The following HMGA2 variants were observed in gnomAD, a reference collection of about 807,000 sequenced individuals.
HMGA2 encodes the protein high mobility group protein HMGI-C.
Under a neutral mutation model 19.1 loss-of-function variants are expected in HMGA2, and 8 were observed. The ratio of observed to expected loss-of-function variants is 0.42; its 90% CI spans 0.25 to 0.76. The LOEUF (loss-of-function observed/expected upper bound fraction) is 0.76, where lower values mean the gene tolerates loss of function less well. HMGA2 is among the 30% of genes least tolerant of loss of function. HMGA2 has a pLI of 0.28. For synonymous variants in HMGA2, 60 were observed against 48.8 expected (o/e 1.23, Z -0.96); for missense variants, 109 against 136.3 (o/e 0.80, Z 1.00).
chr12:65,957,380 C>T (rs1037513400), intron 4 of HMGA2: 2 of 152,050 alleles, frequency 1.3e-5, no homozygotes. Flanking sequence ...TGGCTCATGC[C>T]TGTTATCCCA....
At position 65,963,471 on chromosome 12, in the gene HMGA2, C is replaced by G. The variant is rs1001912620; in HGVS notation, c.*179C>G. 2 of 611,398 alleles carry G rather than the reference C, an allele frequency of 3.3e-6. No homozygotes were observed. The highest frequency in any genetic ancestry group is 5.8e-6 in the Non-Finnish European group (2 of 345,546). The allele number at this position is 611,398 out of a possible 1,614,324, so 37.9% of individuals were successfully genotyped here. On this transcript the variant is annotated 3_prime_UTR_variant, in exon 5 of 5. Transcript: ENST00000403681. ...AGAAATCACATAACCTTAAAAAGGA[C>G]TATATTAATCACCTTCTTTGTAATC...
chr12:65,885,570 C>T (rs529447318), intron 3 of HMGA2, among the ~76,000 whole-genome samples: 1 of 152,210 alleles, frequency 6.6e-6, no homozygotes, highest in South Asian at 2.1e-4. Flanking sequence ...CACTAGCAGC[C>T]CTGGTGATAG....
At chr12:65,917,433 G>GA (rs1875144647) in intron 3 of HMGA2, among the ~76,000 whole-genome samples, 1 of 152,150 alleles carries the variant, frequency 6.6e-6, no homozygotes, top group Non-Finnish European at 1.5e-5. Flanking sequence ...GATCTGGTCT[G>GA]GATTGTTTCC....
At chr12:65,864,258 C>A (rs1872267185) in intron 3 of HMGA2, among the ~76,000 whole-genome samples, 1 of 152,074 alleles carries the variant, frequency 6.6e-6, no homozygotes, top group Admixed American at 6.5e-5. Flanking sequence ...AAAAAAAACA[C>A]CCCAGAGAGG....
At chr12:65,845,774 A>T (rs2120906459) in intron 3 of HMGA2, among the ~76,000 whole-genome samples, 1 of 152,332 alleles carries the variant, frequency 6.6e-6, no homozygotes, top group East Asian at 1.9e-4. Context: ...CTCATGTCTA[A>T]GTGCCTGACA....
At chr12:65,875,371 T>C (rs1872934325) in intron 3 of HMGA2, among the ~76,000 whole-genome samples, 1 of 152,182 alleles carries the variant, frequency 6.6e-6, no homozygotes, top group Non-Finnish European at 1.5e-5. Flanking sequence ...TCAAAGACTA[T>C]ACTGTGTTGC....
rs535009882 is a variant in HMGA2, at chr12:65,868,784, A to C, written c.249+30215A>C. Among the ~76,000 whole-genome samples the C allele has an allele frequency of 4.6e-5, 7 of 152,186 alleles. No individual in the cohort carries two copies. The South Asian group carries it at 1.0e-3, about 23-fold the overall frequency. On this transcript the variant is annotated intron_variant, in intron 3 of 4. Transcript: ENST00000403681. The stretch of plus-strand genomic sequence containing the variant: ...ACTAGAATCTATAGGAACTGTTAGC[A>C]TCAATTTTAATAAGTTGTCAACTAA...
intron 3 of HMGA2, chr12:65,859,294 C>T (rs1871920638): frequency 6.6e-6 from 1 of 152,238 alleles, no homozygotes; most frequent in Admixed American, 6.5e-5. Context: ...GATCACCCTA[C>T]CTACAGTCTG....
At chr12:65,887,663 C>T (rs1035103682) in intron 3 of HMGA2, among the ~76,000 whole-genome samples, 1 of 151,918 alleles carries the variant, frequency 6.6e-6, no homozygotes, top group African/African-American at 2.4e-5. Context: ...GCAGAGATTG[C>T]AGTGAGCCGA....
At chr12:65,854,286 T>C (rs540355189) in intron 3 of HMGA2, among the ~76,000 whole-genome samples, 1 of 152,326 alleles carries the variant, frequency 6.6e-6, no homozygotes, top group Non-Finnish European at 1.5e-5. Context: ...AATAAAAAAA[T>C]TCTTTAAATA....
Position 65,825,905 on chromosome 12 carries a change from G to A in HMGA2, c.111+524G>A, listed in dbSNP as rs1434883465. On this transcript the variant is annotated intron_variant, in intron 1 of 4. Coordinates refer to ENST00000403681, the MANE Select transcript of HMGA2 (RefSeq NM_003483.6). This position sits in a 1 kb window ranked among gnomAD's most constrained non-coding sequence, Gnocchi z 4.4. ...CTGGCGCGCCGCAGCCGCCCCCTTG[G>A]CGCCCTCCTCCAAGCTCTCGGTGGC... 2 of 152,204 alleles carry A rather than the reference G, an allele frequency of 1.3e-5. No homozygotes were observed. The highest frequency in any genetic ancestry group is 2.9e-5 in the Non-Finnish European group (2 of 68,170). 9.4% of individuals were successfully genotyped at this position (152,204 alleles called of 1,614,324 possible).
intron 3 of HMGA2, among the ~76,000 whole-genome samples, chr12:65,936,140 G>C (rs1875885510): frequency 6.6e-6 from 1 of 151,838 alleles, no homozygotes; most frequent in African/African-American, 2.4e-5. Context: ...TTACTATTAA[G>C]TAATGTTGTT....
Position 65,927,463 on chromosome 12 carries a change from T to C in HMGA2, c.250-23920T>C, listed in dbSNP as rs537403792. 9.3e-4 allele frequency among the ~76,000 whole-genome samples: 142 copies of C among 152,356 alleles called. 5 individuals carry two copies. The South Asian group carries it at 0.028, about 30-fold the overall frequency. ...AAAACCACACTGGAAAAGACAGTTC[T>C]TCACTTTTAAGTGGCTGTGTGATAG... On this transcript the variant is annotated intron_variant, in intron 3 of 4. Coordinates refer to ENST00000403681, the MANE Select transcript of HMGA2 (RefSeq NM_003483.6).
rs536881341 is a variant in HMGA2, at chr12:65,829,302, C to T, written c.198+1215C>T. 8.5e-4 allele frequency among the ~76,000 whole-genome samples: 129 copies of T among 152,156 alleles called. 1 individual carries two copies. Among genetic ancestry groups the T allele is most frequent in the African/African-American group, 2.7e-3 (114 of 41,554 alleles). On this transcript the variant is annotated intron_variant, in intron 2 of 4. Coordinates refer to ENST00000403681, the MANE Select transcript of HMGA2 (RefSeq NM_003483.6). ...TTAATATATTTAAATTTAATTGCTT[C>T]TTAGAGTTTAGATTTAATTGTTTCT...
chr12:65,961,057 A>G (rs1876736757), intron 4 of HMGA2, among the ~76,000 whole-genome samples: 1 of 152,252 alleles, frequency 6.6e-6, no homozygotes. Context: ...AAAATCAAAC[A>G]GTTAGAAATT....
At chr12:65,839,930 A>G (rs937016800) in intron 3 of HMGA2, among the ~76,000 whole-genome samples, 4 of 152,202 alleles carry the variant, frequency 2.6e-5, no homozygotes, top group African/African-American at 9.6e-5. Context: ...TATATAGAGT[A>G]ATTGTTTTCA....
chr12:65,915,024 A>C (rs1261973928), intron 3 of HMGA2: 1 of 1,612,376 alleles, frequency 6.2e-7, no homozygotes, highest in African/African-American at 1.3e-5. Context: ...TGAGGTATTC[A>C]TGCCATATGC....
intron 2 of HMGA2, 105 bp downstream of exon 2, chr12:65,828,192 C>A (rs1467735908): frequency 4.9e-6 from 4 of 822,414 alleles, no homozygotes; most frequent in East Asian, 2.5e-5. Context: ...TTTGTCCCAA[C>A]TGGGTAACAC....
intron 2 of HMGA2, among the ~76,000 whole-genome samples, chr12:65,838,275 G>A (rs914495549): frequency 2.6e-5 from 4 of 151,886 alleles, no homozygotes; most frequent in African/African-American, 7.3e-5. Context: ...ACTACAGGGG[G>A]TGTCTTTTAG....
Sources: gnomAD v4.1 joint callset for allele counts (sites outside exome capture counted in the v4.1 genomes callset) on GRCh38, gnomAD v4.1.1 for gene constraint, Gnocchi (gnomAD v3.1) non-coding constraint, MANE v1.5 for transcripts, NCBI Gene and HGNC (gene_info 2026-07-23, HGNC 2026-07-21) for gene names.